Variants in RAP1GAP2 observed in about 807,000 individuals in gnomAD.
The protein encoded by RAP1GAP2 is rap1 GTPase-activating protein 2.
In RAP1GAP2, 27 loss-of-function variants were observed where a neutral mutation model predicts 95.0. That is an observed-to-expected ratio of 0.28 (90% CI 0.21 to 0.39). The LOEUF is 0.39. Ranked by LOEUF, RAP1GAP2 falls within the 10% of genes least tolerant of loss-of-function variation. The probability of loss-of-function intolerance (pLI) is 1.00; values close to 1 mark genes in which losing one functional copy is unlikely to be tolerated. For synonymous variants in RAP1GAP2, 373 were observed against 380.9 expected, an observed-to-expected ratio of 0.98 and a Z score of 0.24; for missense variants, 771 against 970.0, an observed-to-expected ratio of 0.79 and a Z score of 2.72.
intron 2 of RAP1GAP2, among the ~76,000 whole-genome samples, chr17:2,875,032 C>T (rs186958429): frequency 6.6e-4 from 100 of 152,258 alleles, no homozygotes; most frequent in Middle Eastern, 3.4e-3. Context: ...ACCTTGGGGA[C>T]GGCGCCCTTC....
chr17:2,896,340 G>A (rs1319161963), intron 2 of RAP1GAP2, among the ~76,000 whole-genome samples: 2 of 152,130 alleles, frequency 1.3e-5, no homozygotes, highest in Non-Finnish European at 2.9e-5. Flanking sequence ...ACAAGAAGAC[G>A]TTTGGCCACT....
At chr17:2,910,320 T>C (rs775799619) in intron 3 of RAP1GAP2, among the ~76,000 whole-genome samples, 3 of 152,180 alleles carry the variant, frequency 2.0e-5, no homozygotes, top group Non-Finnish European at 4.4e-5. Flanking sequence ...GGATCCTATA[T>C]CCCAGCAGGC....
chr17:2,873,474 CAAAAAAAAAAAAAAAAAAAA>C lies in RAP1GAP2; in HGVS notation c.81-31792_81-31773del, dbSNP rs71153308. Among the ~76,000 whole-genome samples the C allele has an allele frequency of 2.3e-3, 26 of 11,402 alleles. 1 individual carries two copies. The highest frequency in any genetic ancestry group is 8.1e-3 in the Admixed American group (5 of 614). 7.5% of individuals were successfully genotyped at this position (11,402 alleles called of 152,430 possible). On this transcript the variant is annotated intron_variant, in intron 2 of 24. Coordinates refer to ENST00000254695, the MANE Select transcript of RAP1GAP2 (RefSeq NM_015085.5). ...AGGGTAATAGAATGAGACCCTGTCT[CAAAAAAAAAAAAAAAAAAAA>C]AAAAAAAAAAAAAAAAAGCAGCAGC... is the stretch of plus-strand genomic sequence containing the variant.
At chr17:2,988,700 C>T (rs1268894605) in intron 11 of RAP1GAP2, among the ~76,000 whole-genome samples, 1 of 152,164 alleles carries the variant, frequency 6.6e-6, no homozygotes, top group African/African-American at 2.4e-5. Flanking sequence ...CATAAGTTTT[C>T]ATTTCTCTGG....
At chr17:2,901,937 C>G (rs1044893781) in intron 2 of RAP1GAP2, among the ~76,000 whole-genome samples, 2 of 152,182 alleles carry the variant, frequency 1.3e-5, no homozygotes, top group African/African-American at 4.8e-5. Flanking sequence ...GGCCTGGGCA[C>G]TGCATTCATT....
In RAP1GAP2 at chr17:2,874,226, C is replaced by T. The variant is rs1237689895; in HGVS notation, c.81-31058C>T. 3.3e-5 allele frequency among the ~76,000 whole-genome samples: 5 copies of T among 152,318 alleles called. No homozygotes were observed. The East Asian group carries it at 9.6e-4, about 29-fold the overall frequency. Reference sequence around the variant, plus strand: ...AAGATTGAGCTCTGTGCCTGGGGAACAATGGGTACACCCTCCCTCCCCTTT... The same window carrying T: ...AAGATTGAGCTCTGTGCCTGGGGAATAATGGGTACACCCTCCCTCCCCTTT... On this transcript the variant is annotated intron_variant, in intron 2 of 24. Coordinates refer to ENST00000254695, the MANE Select transcript of RAP1GAP2 (RefSeq NM_015085.5).
chr17:3,012,356 G>A (rs986238799), intron 17 of RAP1GAP2, among the ~76,000 whole-genome samples: 6 of 151,754 alleles, frequency 4.0e-5, no homozygotes, highest in Non-Finnish European at 7.4e-5. Flanking sequence ...GGTGGCTCAC[G>A]TCTGTAATCC....
chr17:2,978,853 T>C (rs1389588756), intron 8 of RAP1GAP2, among the ~76,000 whole-genome samples: 1 of 151,968 alleles, frequency 6.6e-6, no homozygotes, highest in Non-Finnish European at 1.5e-5. Context: ...GAGAATCTCT[T>C]GAAACCGGGA....
chr17:2,998,160 C>T (rs1407945426), intron 13 of RAP1GAP2, 61 bp from the exon 14 acceptor site: 11 of 1,555,022 alleles, frequency 7.1e-6, no homozygotes, highest in Non-Finnish European at 9.7e-6. Flanking sequence ...CCACTCTTTC[C>T]CCAAAACATC....
At position 2,827,811 on chromosome 17, in the gene RAP1GAP2, G is replaced by GAAC. The variant is rs2070640077; in HGVS notation, c.80+27263_80+27264insCAA. ...GTTGCTTTTTATCAGCTTCCTATTA[G>GAAC]AAAAAAAAAAAATCCCCTTGAAAAA... On this transcript the variant is annotated intron_variant, in intron 2 of 24. Transcript: ENST00000254695. The surrounding 1 kb of genome is among the most constrained non-coding windows in gnomAD (Gnocchi z 4.1). 6.8e-6 allele frequency among the ~76,000 whole-genome samples: 1 copy of GAAC among 146,332 alleles called. No individual in the cohort carries two copies. Among genetic ancestry groups the GAAC allele is most frequent in the Non-Finnish European group, 1.5e-5 (1 of 66,358 alleles).
At chr17:2,850,158 G>A (rs1386911434) in intron 2 of RAP1GAP2, among the ~76,000 whole-genome samples, 2 of 151,322 alleles carry the variant, frequency 1.3e-5, no homozygotes, top group East Asian at 4.0e-4. Flanking sequence ...CCGCCACCAC[G>A]CCCGGCTAAT....
At chr17:2,771,499 G>GTTTTTTTTTTTTTT (rs397976670) in intron 2 of RAP1GAP2, among the ~76,000 whole-genome samples, 15 of 124,752 alleles carry the variant, frequency 1.2e-4, no homozygotes, top group African/African-American at 2.1e-4. Flanking sequence ...TTTTTTTTTT[G>GTTTTTTTTTTTTTT]TTTTTTTTTT....
At chr17:2,780,098 TG>T (rs2068606163) in intron 1 of RAP1GAP2, among the ~76,000 whole-genome samples, 1 of 152,336 alleles carries the variant, frequency 6.6e-6, no homozygotes, top group East Asian at 1.9e-4. Context: ...TTGTCCAGGC[TG>T]GAGTGCAGTG....
Position 3,026,196 on chromosome 17 carries a change from G to C in RAP1GAP2, c.1865+75G>C, listed in dbSNP as rs887382977. On this transcript the variant is annotated intron_variant, in intron 20 of 24. Transcript: ENST00000254695. ...GAACACGCCCTCTGCCTCCTGGCCA[G>C]CTGAGAGTGGCCATCTCCTGCCTCT... 13 of 1,339,872 alleles carry C rather than the reference G, an allele frequency of 9.7e-6. No homozygotes were observed. The East Asian group carries it at 1.5e-4, about 15-fold the overall frequency. The allele number at this position is 1,339,872 out of a possible 1,614,324, so 83.0% of individuals were successfully genotyped here. A position where few individuals can be genotyped will look rare whatever the true frequency, so the allele number is the denominator to read the frequency against.
intron 3 of RAP1GAP2, among the ~76,000 whole-genome samples, chr17:2,929,960 C>T (rs745773487): frequency 1.3e-5 from 2 of 152,208 alleles, no homozygotes; most frequent in Admixed American, 6.5e-5. Flanking sequence ...TGAGCAGACT[C>T]GTCACTCCCG....
In RAP1GAP2 at chr17:2,963,825, G is replaced by A; in HGVS notation, c.280-31G>A. ...GCCCCCTCCCTCCCCTGCGGTCCCA[G>A]GGGAGCGCACGACCCTCCCTCTGCC... On this transcript the variant is annotated intron_variant, in intron 6 of 24. Coordinates refer to ENST00000254695, the MANE Select transcript of RAP1GAP2 (RefSeq NM_015085.5). This position sits in a 1 kb window ranked among gnomAD's most constrained non-coding sequence, Gnocchi z 4.8. The A allele has an allele frequency of 6.6e-7, 1 of 1,521,250 alleles. No individual in the cohort carries two copies. The highest frequency in any genetic ancestry group is 8.9e-7 in the Non-Finnish European group (1 of 1,124,866). 94.2% of individuals were successfully genotyped at this position (1,521,250 alleles called of 1,614,324 possible). A position where few individuals can be genotyped will look rare whatever the true frequency, so the allele number is the denominator to read the frequency against.
At chr17:2,985,967 T>A (rs1220834161) in intron 11 of RAP1GAP2, among the ~76,000 whole-genome samples, 2 of 152,062 alleles carry the variant, frequency 1.3e-5, no homozygotes, top group African/African-American at 2.4e-5. Context: ...CGAGACTCTT[T>A]GAGAGAAAAG....
At chr17:2,843,784 C>G (rs1329032702) in intron 2 of RAP1GAP2, among the ~76,000 whole-genome samples, 1 of 152,140 alleles carries the variant, frequency 6.6e-6, no homozygotes, top group African/African-American at 2.4e-5. Context: ...AAGGTCACTA[C>G]TGGCCTTGCC....
At chr17:2,761,045 C>G (rs1438870454) in intron 1 of RAP1GAP2, among the ~76,000 whole-genome samples, 1 of 151,592 alleles carries the variant, frequency 6.6e-6, no homozygotes, top group Non-Finnish European at 1.5e-5. Context: ...ACCTCCGCCT[C>G]CGGGGTTCAA....
Sources: allele counts gnomAD v4.1 joint callset (sites outside exome capture counted in the v4.1 genomes callset), GRCh38; gene constraint gnomAD v4.1.1; non-coding constraint Gnocchi (gnomAD v3.1); transcripts MANE v1.5; gene names NCBI Gene and HGNC (gene_info 2026-07-23, HGNC 2026-07-21).